DCAF4: variants seen among roughly 807,000 people sequenced by gnomAD.
DCAF4 encodes the protein DDB1 and CUL4 associated factor 4, also known as DDB1- and CUL4-associated factor 4.
A neutral mutation model predicts 60.9 loss-of-function variants in DCAF4; 37 were observed. The observed-to-expected ratio is 0.61, with a 90% confidence interval of 0.47 to 0.80. The LOEUF is 0.80. Ranked by LOEUF, DCAF4 falls within the 30% of genes least tolerant of loss-of-function variation. The probability of loss-of-function intolerance (pLI) is 0.00; values close to 1 mark genes in which losing one functional copy is unlikely to be tolerated. For missense variants in DCAF4, 577 were observed against 650.0 expected, an observed-to-expected ratio of 0.89 and a Z score of 1.22; for synonymous variants, 243 against 254.8, an observed-to-expected ratio of 0.95 and a Z score of 0.44.
At chr14:72,934,239 C>A (rs12588961) in intron 1 of DCAF4, among the ~76,000 whole-genome samples, 28,894 of 151,486 alleles carry the variant, frequency 0.19, 3,563 homozygotes, top group East Asian at 0.43. Context: ...CGGCAACCTC[C>A]ACCTCCCGGG....
At chr14:72,953,733 ATATATATATAT>A (rs1484746801) in intron 9 of DCAF4, among the ~76,000 whole-genome samples, 1 of 24,688 alleles carries the variant, frequency 4.1e-5, no homozygotes, top group East Asian at 1.5e-3. Context: ...AAAAAAAAAA[ATATATATATAT>A]ATATATATAT....
Position 72,958,941 on chromosome 14 carries a change from G to T in DCAF4, c.*136G>T. 7.2e-7 allele frequency: 1 copy of T among 1,386,012 alleles called. No individual in the cohort carries two copies. Among genetic ancestry groups the T allele is most frequent in the Non-Finnish European group, 9.3e-7 (1 of 1,076,236 alleles). The allele number at this position is 1,386,012 out of a possible 1,614,324, so 85.9% of individuals were successfully genotyped here. A position where few individuals can be genotyped will look rare whatever the true frequency, so the allele number is the denominator to read the frequency against. On this transcript the variant is annotated 3_prime_UTR_variant, in exon 14 of 14. Coordinates refer to ENST00000358377, the MANE Select transcript of DCAF4 (RefSeq NM_015604.4). ...CCATCCTCTGGCTGCTAGGAGAGAA[G>T]TGCTGAATGTTCCGTGTGGAGATGC...
intron 1 of DCAF4, among the ~76,000 whole-genome samples, chr14:72,935,464 A>G (rs1361308209): frequency 6.6e-6 from 1 of 152,254 alleles, no homozygotes; most frequent in Non-Finnish European, 1.5e-5. Context: ...CACGTTGGCC[A>G]GGCTGATCTC....
At chr14:72,961,098 G>A (rs545221762), downstream of DCAF4, among the ~76,000 whole-genome samples, 1 of 151,958 alleles carries the variant, frequency 6.6e-6, no homozygotes, top group East Asian at 1.9e-4. Context: ...TGTTTCCCAG[G>A]CTGGTCTTGA....
Position 72,940,309 on chromosome 14 carries a change from A to G in DCAF4, c.283A>G (p.Ser95Gly), listed in dbSNP as rs762199428. Residue 95 changes from serine to glycine, a missense_variant, in exon 4 of 14, where the codon AGC (serine) becomes GGC (glycine). Ser to Gly is a moderately conservative substitution (Grantham distance 56). Transcript: ENST00000358377. ...CAACTGCAACCCCCTGACGAAAGAG[A>G]GCATCCGGCAGAAGGAGATGGAGAG... ...HNNCNPLTKE[S>G]IRQKEMESKR... 8 of 1,614,122 alleles carry G rather than the reference A, an allele frequency of 5.0e-6. No homozygotes were observed. The highest frequency in any genetic ancestry group is 6.8e-6 in the Non-Finnish European group (8 of 1,180,024).
intron 8 of DCAF4, among the ~76,000 whole-genome samples, chr14:72,948,901 G>A (rs1891073649): frequency 1.3e-5 from 2 of 152,166 alleles, no homozygotes; most frequent in Admixed American, 1.3e-4. Flanking sequence ...GCCTGTCAAA[G>A]GATTAAATCT....
intron 1 of DCAF4, among the ~76,000 whole-genome samples, chr14:72,928,585 T>TTATATATATA (rs57258334): frequency 1.0e-3 from 16 of 15,926 alleles, no homozygotes; most frequent in Non-Finnish European, 1.2e-3. Flanking sequence ...TAAACATCCT[T>TTATATATATA]TATATATATA....
At chr14:72,950,197 C>T (rs903036085) in intron 8 of DCAF4, among the ~76,000 whole-genome samples, 1 of 152,184 alleles carries the variant, frequency 6.6e-6, no homozygotes, top group South Asian at 2.1e-4. Context: ...GGGGGATAGA[C>T]GGACGAGAGC....
In DCAF4 at chr14:72,939,882, C is replaced by T. The variant is rs1348293450; in HGVS notation, c.173C>T (p.Ala58Val). The change falls in exon 3 of 14, where the codon GCT (alanine) becomes GTT (valine). Residue 58 changes from alanine (A) to valine (V), a missense_variant. Physicochemically the swap from Ala to Val is moderately conservative, Grantham distance 64. Coordinates refer to ENST00000358377, the MANE Select transcript of DCAF4 (RefSeq NM_015604.4). Reference sequence around the variant, plus strand: ...TCTCCGTCAACCTCGTCTGGCACAGCTGGGACCTCCTCTGTGCCAGGTAAG... The same window carrying T: ...TCTCCGTCAACCTCGTCTGGCACAGTTGGGACCTCCTCTGTGCCAGGTAAG... ...DESPSTSSGT[A>V]GTSSVPELPG... is the part of the protein sequence containing the mutation. 3.7e-6 allele frequency: 6 copies of T among 1,609,720 alleles called. No individual in the cohort carries two copies. In the African/African-American group the frequency reaches 8.0e-5, roughly 22 times the overall value.
At chr14:72,932,367 A>G (rs558970358) in intron 1 of DCAF4, among the ~76,000 whole-genome samples, 1 of 152,338 alleles carries the variant, frequency 6.6e-6, no homozygotes, top group Admixed American at 6.5e-5. Flanking sequence ...AATGATTCGG[A>G]AAAATGTAGT....
intron 1 of DCAF4, 131 bp from the exon 2 acceptor site, chr14:72,937,840 C>A: frequency 7.4e-7 from 1 of 1,358,862 alleles, no homozygotes; most frequent in Non-Finnish European, 9.5e-7. Flanking sequence ...CTTGCTGTGG[C>A]AAATCTGATG....
Position 72,940,237 on chromosome 14 carries a change from T to G in DCAF4, c.211T>G (p.Phe71Val). 1 of 1,614,124 alleles carries G rather than the reference T, an allele frequency of 6.2e-7. No homozygotes were observed. Among genetic ancestry groups the G allele is most frequent in the Non-Finnish European group, 8.5e-7 (1 of 1,180,012 alleles). The change falls in exon 4 of 14, where the codon TTT becomes GTT. Residue 71 changes from phenylalanine to valine, a missense_variant. Phe to Val is a conservative substitution (Grantham distance 50). Coordinates refer to ENST00000358377, the MANE Select transcript of DCAF4 (RefSeq NM_015604.4). The stretch of plus-strand genomic sequence containing the variant: ...GTCTAAAGAGCTACCTGGGTTTTAC[T>G]TTGACCCTGAAAAGAAACGCTACTT... ...SSVPELPGFY[F>V]DPEKKRYFRL...
intron 1 of DCAF4, chr14:72,929,464 A>G (rs1888214393): frequency 3.3e-6 from 2 of 612,298 alleles, no homozygotes. Flanking sequence ...CGCTGCGCCA[A>G]GGCAGGAGGA....
chr14:72,951,021 C>T (rs772755637), intron 8 of DCAF4, among the ~76,000 whole-genome samples: 11 of 151,922 alleles, frequency 7.2e-5, no homozygotes, highest in African/African-American at 9.7e-5. Flanking sequence ...TACTCTGTCA[C>T]CCAGGCTGGA....
intron 8 of DCAF4, among the ~76,000 whole-genome samples, chr14:72,948,819 T>C (rs547135548): frequency 6.6e-6 from 1 of 152,218 alleles, no homozygotes; most frequent in Non-Finnish European, 1.5e-5. Context: ...GCACTCTGCA[T>C]TTTTCCTGCA....
intron 8 of DCAF4, among the ~76,000 whole-genome samples, 200 bp from the exon 9 acceptor site, chr14:72,951,598 C>T (rs1247292213): frequency 3.3e-5 from 5 of 151,850 alleles, no homozygotes; most frequent in Non-Finnish European, 7.4e-5. Context: ...GCAACAAGAG[C>T]GAAACTCCGT....
intron 8 of DCAF4, among the ~76,000 whole-genome samples, chr14:72,947,834 G>A (rs1890935777): frequency 6.6e-6 from 1 of 152,192 alleles, no homozygotes; most frequent in Non-Finnish European, 1.5e-5. Flanking sequence ...CCTTCCCGGA[G>A]AGCAAGCAGA....
chr14:72,939,755 G>A (rs965259063), intron 2 of DCAF4, 47 bp from the exon 3 acceptor site: 16 of 1,538,754 alleles, frequency 1.0e-5, no homozygotes, highest in Non-Finnish European at 1.4e-5. Flanking sequence ...CAGAATGGCT[G>A]GAACTCAAGT....
rs1010599888 is a variant in DCAF4, at chr14:72,940,314, C to A, written c.288C>A (p.Ile96=). 6 of 1,614,024 alleles carry A rather than the reference C, an allele frequency of 3.7e-6. No homozygotes were observed. Among genetic ancestry groups the A allele is most frequent in the Admixed American group, 3.3e-5 (2 of 59,970 alleles). Residue 96 remains isoleucine, a synonymous_variant, in exon 4 of 14, where the codon ATC becomes ATA. Coordinates refer to ENST00000358377, the MANE Select transcript of DCAF4 (RefSeq NM_015604.4). ...GCAACCCCCTGACGAAAGAGAGCAT[C>A]CGGCAGAAGGAGATGGAGAGCAAGA... The part of the protein sequence containing the change: ...NNCNPLTKES[I]RQKEMESKRL...
Sources: allele counts gnomAD v4.1 joint callset (sites outside exome capture counted in the v4.1 genomes callset), GRCh38; gene constraint gnomAD v4.1.1; transcripts MANE v1.5; gene names NCBI Gene and HGNC (gene_info 2026-07-23, HGNC 2026-07-21).